The following PIK3C2G variants were observed in gnomAD, a reference collection of about 807,000 sequenced individuals.
PIK3C2G encodes the protein phosphatidylinositol-4-phosphate 3-kinase catalytic subunit type 2 gamma.
PIK3C2G carries 168 observed loss-of-function variants against 181.1 expected under a neutral mutation model. That is an observed-to-expected ratio of 0.93 (90% confidence interval 0.82 to 1.05). The LOEUF (loss-of-function observed/expected upper bound fraction) is 1.05, where lower values mean the gene tolerates loss of function less well. Among genes scored for constraint, PIK3C2G ranks in the 50% least tolerant of loss-of-function variants. PIK3C2G has a pLI of 0.00. For synonymous variants in PIK3C2G, 573 were observed against 592.2 expected (o/e 0.97, Z 0.47); for missense variants, 1,869 against 1,732.8 (o/e 1.08, Z -1.40).
At chr12:18,246,108 T>C (rs1314618124), upstream of PIK3C2G, among the ~76,000 whole-genome samples, 2 of 152,164 alleles carry the variant, frequency 1.3e-5, no homozygotes, top group African/African-American at 2.4e-5. Context: ...ATAAGATTCA[T>C]TGAGCTTCTC....
intron 8 of PIK3C2G, among the ~76,000 whole-genome samples, chr12:18,327,032 T>C (rs1419284133): frequency 6.6e-6 from 1 of 152,144 alleles, no homozygotes; most frequent in African/African-American, 2.4e-5. Context: ...AAAGAAATGA[T>C]TGACTATTGT....
chr12:18,480,971 T>C (rs1215174070), intron 18 of PIK3C2G, among the ~76,000 whole-genome samples: 1 of 152,144 alleles, frequency 6.6e-6, no homozygotes, highest in Non-Finnish European at 1.5e-5. Flanking sequence ...TCTCACTCTG[T>C]CTCCAGGCTG....
At chr12:18,466,351 T>C (rs1937880291) in intron 18 of PIK3C2G, among the ~76,000 whole-genome samples, 1 of 151,794 alleles carries the variant, frequency 6.6e-6, no homozygotes, top group Non-Finnish European at 1.5e-5. Context: ...CTCTGATTTA[T>C]AGAGCAAACT....
intron 29 of PIK3C2G, among the ~76,000 whole-genome samples, chr12:18,590,157 A>T (rs1287584664): frequency 6.7e-6 from 1 of 150,250 alleles, no homozygotes; most frequent in Non-Finnish European, 1.5e-5. Flanking sequence ...CAACCACTTG[A>T]GGAATTAAGC....
At chr12:18,523,651 T>C (rs940792241) in intron 24 of PIK3C2G, among the ~76,000 whole-genome samples, 5 of 152,300 alleles carry the variant, frequency 3.3e-5, no homozygotes, top group Non-Finnish European at 7.4e-5. Context: ...CCTTCAAGTC[T>C]GGGAAAGACT....
chr12:18,457,477 C>T (rs1254530022), intron 18 of PIK3C2G, among the ~76,000 whole-genome samples: 3 of 152,094 alleles, frequency 2.0e-5, no homozygotes, highest in South Asian at 4.1e-4. Flanking sequence ...GCCTCAGTTC[C>T]GTGTGAGCCC....
chr12:18,255,426 G>C (rs11043981), intron 1 of PIK3C2G, among the ~76,000 whole-genome samples: 66,853 of 151,898 alleles, frequency 0.44, 15,148 homozygotes, highest in East Asian at 0.75. Context: ...AAATGCAGCC[G>C]TGTAAACAAG....
At chr12:18,295,262 A>G (rs1949889024) in intron 5 of PIK3C2G, among the ~76,000 whole-genome samples, 1 of 151,872 alleles carries the variant, frequency 6.6e-6, no homozygotes, top group Non-Finnish European at 1.5e-5. Flanking sequence ...ACCTTCTCCC[A>G]ACATACAATT....
rs762429620 is a variant in PIK3C2G at position 18,313,966 on chromosome 12, C to G, written c.1039C>G (p.His347Asp). The G allele has an allele frequency of 1.0e-5, 16 of 1,560,246 alleles. No individual in the cohort carries two copies. The highest frequency in any genetic ancestry group is 1.7e-4 in the Middle Eastern group (1 of 5,972). ...CGSEEFLQND[H>D]CLGSHKMFQK... is the part of the protein sequence containing the mutation. ...GTTCATTTTTTCCTCCTTCAGCGAC[C>G]ACTGTTTGGGGAGCCACAAAATGTT... Residue 347 changes from histidine (H) to aspartate (D), a missense_variant, in exon 6 of 33, where the codon CAC becomes GAC. By Grantham distance (81) the His-to-Asp change is moderately conservative. Coordinates refer to ENST00000538779, the MANE Select transcript of PIK3C2G (RefSeq NM_001288772.2).
At chr12:18,687,935 T>A in the PIK3C2G span, among the ~76,000 whole-genome samples, 1 of 152,086 alleles carries the variant, frequency 6.6e-6, no homozygotes, top group Non-Finnish European at 1.5e-5. Flanking sequence ...TAAAAATGTT[T>A]TTGTTGCATA....
At chr12:18,461,490 G>C (rs193055562) in intron 18 of PIK3C2G, among the ~76,000 whole-genome samples, 1 of 152,198 alleles carries the variant, frequency 6.6e-6, no homozygotes, top group East Asian at 1.9e-4. Flanking sequence ...ATACACATGA[G>C]AATATTCTAC....
chr12:18,497,623 G>C lies in PIK3C2G; in HGVS notation c.2891G>C (p.Gly964Ala). 1.9e-6 allele frequency: 3 copies of C among 1,612,090 alleles called. No homozygotes were observed. Among genetic ancestry groups the C allele is most frequent in the Non-Finnish European group, 2.5e-6 (3 of 1,178,888 alleles). Reference protein sequence around the residue: ...GKNISIIFKAGDDLRQDMLVL... With the variant: ...GKNISIIFKAADDLRQDMLVL... ...CTATAATTTTGTTTTTAACAGGCTGGAGATGATCTTCGTCAGGATATGCTT... is the reference window on the plus strand; with the variant it reads ...CTATAATTTTGTTTTTAACAGGCTGCAGATGATCTTCGTCAGGATATGCTT... The change falls in exon 22 of 33, where the codon GGA becomes GCA. Residue 964 changes from glycine to alanine, a missense_variant. By Grantham distance (60) the Gly-to-Ala change is moderately conservative. Transcript: ENST00000538779.
At chr12:18,277,664 A>G (rs1949040460) in intron 1 of PIK3C2G, among the ~76,000 whole-genome samples, 1 of 152,182 alleles carries the variant, frequency 6.6e-6, no homozygotes, top group African/African-American at 2.4e-5. Context: ...GATCAAGAAC[A>G]AACATTCTCA....
rs145054652 is a variant in PIK3C2G at position 18,618,546 on chromosome 12, T to G, written c.4182+8917T>G. On this transcript the variant is annotated intron_variant, in intron 31 of 32. Transcript: ENST00000538779. ...AGCACAGAGTTTCCACAACATAACA[T>G]TAAAAATATCCACAATACAACTCAA... 1.2e-4 allele frequency among the ~76,000 whole-genome samples: 19 copies of G among 152,252 alleles called. No individual in the cohort carries two copies. In the East Asian group the frequency reaches 3.7e-3, roughly 29 times the overall value.
intron 5 of PIK3C2G, 98 bp downstream of exon 5, chr12:18,294,113 A>G (rs532203703): frequency 1.3e-5 from 8 of 606,380 alleles, no homozygotes; most frequent in East Asian, 5.8e-5. Flanking sequence ...CACAAACATT[A>G]TAGTCTTATA....
chr12:18,518,945 T>C (rs941133271), intron 24 of PIK3C2G, among the ~76,000 whole-genome samples: 1 of 152,214 alleles, frequency 6.6e-6, no homozygotes, highest in Non-Finnish European at 1.5e-5. Context: ...TTTGTTCTCA[T>C]TGGTTTCAAA....
chr12:18,712,522 CTA>C, the PIK3C2G span, among the ~76,000 whole-genome samples: 1 of 152,046 alleles, frequency 6.6e-6, no homozygotes, highest in Non-Finnish European at 1.5e-5. Flanking sequence ...AAAATATCTA[CTA>C]TTACCTAGAC....
At chr12:18,278,890 C>G (rs945969075) in intron 1 of PIK3C2G, among the ~76,000 whole-genome samples, 3 of 151,904 alleles carry the variant, frequency 2.0e-5, no homozygotes, top group African/African-American at 7.3e-5. Context: ...AGAAATGGAT[C>G]TGGAAGAGGT....
the PIK3C2G span, among the ~76,000 whole-genome samples, chr12:18,688,742 T>C: frequency 6.6e-6 from 1 of 152,060 alleles, no homozygotes; most frequent in Non-Finnish European, 1.5e-5. Flanking sequence ...TATTTAAACT[T>C]GTATTTGCCA....
Sources: allele counts gnomAD v4.1 joint callset (sites outside exome capture counted in the v4.1 genomes callset), GRCh38; gene constraint gnomAD v4.1.1; transcripts MANE v1.5; gene names NCBI Gene and HGNC (gene_info 2026-07-23, HGNC 2026-07-21).